FGF12: variants seen among roughly 807,000 people sequenced by gnomAD.
FGF12 encodes the protein fibroblast growth factor 12B.
Under a neutral mutation model 23.6 loss-of-function variants are expected in FGF12, and 14 were observed. The ratio of observed to expected loss-of-function variants is 0.59; its 90% CI spans 0.39 to 0.93. The LOEUF is 0.93. FGF12 is among the 40% of genes least tolerant of loss of function. FGF12 has a pLI of 0.00. For missense variants in FGF12, 175 were observed against 217.8 expected (o/e 0.80, Z 1.24); for synonymous variants, 62 against 77.3 (o/e 0.80, Z 1.04).
intron 4 of FGF12, among the ~76,000 whole-genome samples, chr3:192,237,067 G>T (rs192389657): frequency 1.4e-4 from 21 of 152,180 alleles, no homozygotes; most frequent in African/African-American, 4.8e-4. Flanking sequence ...GTCTGAAAAA[G>T]ATTTTATTTC....
chr3:192,628,521 G>GTA lies in FGF12; in HGVS notation c.13+98658_13+98659dup, dbSNP rs1485884875. 2.2e-3 allele frequency among the ~76,000 whole-genome samples: 320 copies of GTA among 147,250 alleles called. 1 individual carries two copies. The highest frequency in any genetic ancestry group is 4.9e-3 in the African/African-American group (198 of 40,036). On this transcript the variant is annotated intron_variant, in intron 2 of 5. Transcript: ENST00000445105. ...TGTATATATATATTAGTGTGTGTGT[G>GTA]TATATATATATATACTATTTTTCAT...
chr3:192,630,495 C>T (rs1715344377), intron 2 of FGF12, among the ~76,000 whole-genome samples: 1 of 150,654 alleles, frequency 6.6e-6, no homozygotes, highest in Non-Finnish European at 1.5e-5. Flanking sequence ...AACTAGAACT[C>T]TTCCACGCTT....
chr3:192,275,437 T>C (rs1713721500), intron 4 of FGF12, among the ~76,000 whole-genome samples: 1 of 152,220 alleles, frequency 6.6e-6, no homozygotes. Context: ...GTTCAGCTCA[T>C]TGAAATATTC....
At chr3:192,220,640 T>C (rs558699776) in intron 4 of FGF12, among the ~76,000 whole-genome samples, 51 of 152,272 alleles carry the variant, frequency 3.3e-4, no homozygotes, top group Admixed American at 7.2e-4. Flanking sequence ...ATATTAGTTG[T>C]CAGTTACGAA....
Position 192,499,741 on chromosome 3 carries a change from T to G in FGF12, c.14-139203A>C, listed in dbSNP as rs1724076783. ...AGAGATGGAGTTTCTACTAAAAATG[T>G]TAGTTAAAGTGTTAGCCAGGATGGT... On this transcript the variant is annotated intron_variant, in intron 2 of 5. Transcript: ENST00000445105. Among the ~76,000 whole-genome samples the G allele has an allele frequency of 4.0e-5, 6 of 150,604 alleles. 1 individual carries two copies. The South Asian group carries it at 1.3e-3, about 32-fold the overall frequency.
intron 4 of FGF12, among the ~76,000 whole-genome samples, chr3:192,252,268 T>C (rs1437364083): frequency 6.6e-6 from 1 of 151,192 alleles, no homozygotes; most frequent in Admixed American, 6.6e-5. Context: ...CCAGACCAGT[T>C]TGGCCAACTT....
At chr3:192,345,745 G>T (rs1717929166) in intron 3 of FGF12, among the ~76,000 whole-genome samples, 1 of 151,786 alleles carries the variant, frequency 6.6e-6, no homozygotes. Flanking sequence ...TCAAGTAGTT[G>T]TGAAGAAAGT....
chr3:192,480,780 A>T (rs1177204775), intron 2 of FGF12, among the ~76,000 whole-genome samples: 1 of 152,212 alleles, frequency 6.6e-6, no homozygotes, highest in Non-Finnish European at 1.5e-5. Flanking sequence ...TATATTCTAC[A>T]TTAAGAATAA....
chr3:192,502,720 G>GAA, intron 2 of FGF12, among the ~76,000 whole-genome samples: 1 of 152,322 alleles, frequency 6.6e-6, no homozygotes, highest in African/African-American at 2.4e-5. Context: ...GTGGCAGTAA[G>GAA]AAAAGCAACT....
At chr3:192,518,314 A>G (rs1724731068) in intron 2 of FGF12, among the ~76,000 whole-genome samples, 1 of 152,214 alleles carries the variant, frequency 6.6e-6, no homozygotes, top group Admixed American at 6.5e-5. Flanking sequence ...GAATTCTGGT[A>G]TATAATGATG....
intron 2 of FGF12, among the ~76,000 whole-genome samples, chr3:192,540,640 T>C (rs1174488413): frequency 7.9e-5 from 12 of 152,326 alleles, no homozygotes; most frequent in Admixed American, 7.2e-4. Flanking sequence ...TCTGTAAATA[T>C]ACATTAGGTT....
intron 2 of FGF12, among the ~76,000 whole-genome samples, chr3:192,443,188 TACA>T (rs1722254286): frequency 6.6e-6 from 1 of 152,200 alleles, no homozygotes; most frequent in Non-Finnish European, 1.5e-5. Context: ...TTTCAGTTGA[TACA>T]ACACAGAGAA....
intron 2 of FGF12, among the ~76,000 whole-genome samples, chr3:192,372,750 GATC>G (rs1719292243): frequency 6.6e-6 from 1 of 152,080 alleles, no homozygotes; most frequent in African/African-American, 2.4e-5. Context: ...ATATAAATTG[GATC>G]ATGTCACTCT....
intron 2 of FGF12, among the ~76,000 whole-genome samples, chr3:192,594,338 A>G (rs577529629): frequency 6.6e-6 from 1 of 152,038 alleles, no homozygotes; most frequent in South Asian, 2.1e-4. Context: ...ATATTTGTTA[A>G]AGAAAAAATT....
At chr3:192,319,332 C>G (rs576142045) in intron 4 of FGF12, among the ~76,000 whole-genome samples, 16 of 152,236 alleles carry the variant, frequency 1.1e-4, no homozygotes, top group Non-Finnish European at 2.1e-4. Context: ...CGCAGTGGCT[C>G]ACGTCTGTAA....
chr3:192,239,221 G>A (rs1719467805), intron 4 of FGF12, among the ~76,000 whole-genome samples: 1 of 152,186 alleles, frequency 6.6e-6, no homozygotes. Flanking sequence ...ACAAATGGTA[G>A]CATCCATGCA....
chr3:192,545,387 A>C (rs938784232), intron 2 of FGF12, among the ~76,000 whole-genome samples: 4 of 152,352 alleles, frequency 2.6e-5, no homozygotes, highest in East Asian at 3.9e-4. Flanking sequence ...CACAAATAAC[A>C]GTCTTCAGCT....
chr3:192,620,236 ACACACGCGCGCGCG>A (rs1714921572), intron 2 of FGF12, among the ~76,000 whole-genome samples: 1 of 69,650 alleles, frequency 1.4e-5, no homozygotes, highest in African/African-American at 1.3e-4. Flanking sequence ...TCAATTACAC[ACACACGCGCGCGCG>A]CGCGCACGCA....
intron 5 of FGF12, among the ~76,000 whole-genome samples, chr3:192,154,622 GCTCGGGGGTCAGGGGTCAGGGAC>G: frequency 6.6e-6 from 1 of 150,968 alleles, no homozygotes; most frequent in African/African-American, 2.4e-5. Context: ...CAGTTAGGCT[GCTCGGGGGTCAGGGGTCAGGGAC>G]CCACTTGAGG....
Sources: gnomAD v4.1 joint callset for allele counts (sites outside exome capture counted in the v4.1 genomes callset) on GRCh38, gnomAD v4.1.1 for gene constraint, MANE v1.5 for transcripts, NCBI Gene and HGNC (gene_info 2026-07-23, HGNC 2026-07-21) for gene names.